PPP2R3A: variants seen among roughly 807,000 people sequenced by gnomAD.
The protein encoded by PPP2R3A is protein phosphatase 2 regulatory subunit B''alpha, also known as serine/threonine-protein phosphatase 2A regulatory subunit B'' subunit alpha.
Under a neutral mutation model 106.9 loss-of-function variants are expected in PPP2R3A, and 80 were observed. The ratio of observed to expected loss-of-function variants is 0.75; its 90% confidence interval spans 0.62 to 0.90. PPP2R3A has a LOEUF of 0.90. Among genes scored for constraint, PPP2R3A ranks in the 40% least tolerant of loss-of-function variants. The pLI is 0.00. For synonymous variants in PPP2R3A, 483 were observed against 468.3 expected (o/e 1.03, Z -0.41); for missense variants, 1,386 against 1,350.4 (o/e 1.03, Z -0.41).
chr3:136,060,614 T>G (rs1268009780), intron 5 of PPP2R3A, among the ~76,000 whole-genome samples: 1 of 152,146 alleles, frequency 6.6e-6, no homozygotes, highest in African/African-American at 2.4e-5. Flanking sequence ...TTCGCCATGA[T>G]TGTAAGTTTC....
At chr3:136,000,747 G>A (rs1284449043) in intron 1 of PPP2R3A, among the ~76,000 whole-genome samples, 2 of 152,158 alleles carry the variant, frequency 1.3e-5, no homozygotes, top group Non-Finnish European at 2.9e-5. Context: ...TCAGAAGTGT[G>A]AATTTTTAAG....
intron 2 of PPP2R3A, among the ~76,000 whole-genome samples, chr3:136,023,846 T>G (rs1023308754): frequency 6.6e-6 from 1 of 152,104 alleles, no homozygotes. Context: ...GTCCCTACTT[T>G]CTTGCTTAAA....
At chr3:136,088,253 C>G (rs1051198475) in intron 9 of PPP2R3A, among the ~76,000 whole-genome samples, 1 of 152,136 alleles carries the variant, frequency 6.6e-6, no homozygotes, top group African/African-American at 2.4e-5. Context: ...GTGCTCACTC[C>G]CTACCCACTT....
chr3:136,004,090 A>G (rs1213874633), intron 2 of PPP2R3A, among the ~76,000 whole-genome samples: 2 of 152,260 alleles, frequency 1.3e-5, no homozygotes, highest in African/African-American at 4.8e-5. Flanking sequence ...CCTTCAAAGA[A>G]GATAAAGACT....
intron 6 of PPP2R3A, among the ~76,000 whole-genome samples, chr3:136,075,996 C>G (rs1341524790): frequency 6.6e-6 from 1 of 152,230 alleles, no homozygotes; most frequent in Non-Finnish European, 1.5e-5. Context: ...GACATGTTCT[C>G]TGTCCTCAGT....
rs768569585 is a variant in PPP2R3A, at chr3:136,002,301, A to G, written c.803A>G (p.Asn268Ser). 2.0e-5 allele frequency: 32 copies of G among 1,613,646 alleles called. No individual in the cohort carries two copies. The highest frequency in any genetic ancestry group is 2.5e-5 in the Non-Finnish European group (30 of 1,179,732). The part of the protein sequence containing the change: ...SGSSISEGSG[N>S]DTISSSETVY... ...AGTAGCATCAGTGAAGGAAGTGGTA[A>G]TGATACAATTTCTAGCTCTGAAACT... Residue 268 changes from asparagine to serine, a missense_variant, in exon 2 of 14, where the codon AAT becomes AGT. Coordinates refer to ENST00000264977, the MANE Select transcript of PPP2R3A (RefSeq NM_002718.5).
chr3:135,979,310 CG>C (rs1937506824), intron 1 of PPP2R3A, among the ~76,000 whole-genome samples: 1 of 150,746 alleles, frequency 6.6e-6, no homozygotes, highest in Non-Finnish European at 1.5e-5. Context: ...ACTCAGGAGG[CG>C]GAGGTTGCGG....
rs751692122 is a variant in PPP2R3A at position 136,003,067 on chromosome 3, G to A, written c.1569G>A (p.Met523Ile). The change falls in exon 2 of 14, where the codon ATG (methionine) becomes ATA (isoleucine). Residue 523 changes from methionine (M) to isoleucine (I), a missense_variant. By Grantham distance (10) the Met-to-Ile change is conservative. Transcript: ENST00000264977. The stretch of plus-strand genomic sequence containing the variant: ...ATTTGGAATCTTTTTCACAGAAGAT[G>A]GAGACCTCTCTAAGAGAGCCACTTG... ...LMDLESFSQK[M>I]ETSLREPLAK... 5.6e-6 allele frequency: 9 copies of A among 1,611,896 alleles called. No individual in the cohort carries two copies. In the South Asian group the frequency reaches 6.6e-5, roughly 12 times the overall value.
At position 136,001,455 on chromosome 3, in the gene PPP2R3A, GTTCTAGAAAGT is replaced by G; in HGVS notation, c.-42_-32del. On this transcript the variant is annotated 5_prime_UTR_variant, in exon 2 of 14. It removes the in-frame stop codon of an upstream open reading frame in the 5' UTR. Coordinates refer to ENST00000264977, the MANE Select transcript of PPP2R3A (RefSeq NM_002718.5). ...ATTTAGGAGAATTTTCATGAAACAA[GTTCTAGAAAGT>G]TCCAAGTCCCACCAGTAAGTGGATT... 1 of 1,501,798 alleles carries G rather than the reference GTTCTAGAAAGT, an allele frequency of 6.7e-7. No individual in the cohort carries two copies. 93.0% of individuals were successfully genotyped at this position (1,501,798 alleles called of 1,614,324 possible).
At chr3:135,973,727 C>T (rs1420626988) in intron 1 of PPP2R3A, among the ~76,000 whole-genome samples, 1 of 152,132 alleles carries the variant, frequency 6.6e-6, no homozygotes, top group Non-Finnish European at 1.5e-5. Context: ...TTTAAACTTC[C>T]AGAACTAAGA....
At chr3:136,041,143 T>C (rs1275466003) in intron 4 of PPP2R3A, among the ~76,000 whole-genome samples, 181 bp downstream of exon 4, 1 of 152,112 alleles carries the variant, frequency 6.6e-6, no homozygotes, top group Non-Finnish European at 1.5e-5. Flanking sequence ...GCCACAAGCC[T>C]TTATCTAACC....
intron 13 of PPP2R3A, among the ~76,000 whole-genome samples, chr3:136,129,768 A>C (rs1307071142): frequency 6.6e-6 from 1 of 152,172 alleles, no homozygotes; most frequent in Non-Finnish European, 1.5e-5. Context: ...AAAATCCTCA[A>C]AATACTGGCA....
chr3:136,137,533 G>GATTTTTTTT (rs1938668599), intron 13 of PPP2R3A, among the ~76,000 whole-genome samples: 1 of 38,442 alleles, frequency 2.6e-5, no homozygotes, highest in Admixed American at 3.1e-4. Context: ...CTCTGTCAGA[G>GATTTTTTTT]ATTTTTTTTT....
At chr3:136,033,335 TTTTG>T (rs972847873) in intron 3 of PPP2R3A, among the ~76,000 whole-genome samples, 5 of 152,158 alleles carry the variant, frequency 3.3e-5, no homozygotes, top group Non-Finnish European at 7.4e-5. Context: ...GTCTGTAGGT[TTTTG>T]TTTGTTTGGT....
At position 136,082,397 on chromosome 3, in the gene PPP2R3A, G is replaced by A. The variant is rs764293011; in HGVS notation, c.2764G>A (p.Asp922Asn). 2.0e-5 allele frequency: 32 copies of A among 1,613,660 alleles called. No individual in the cohort carries two copies. The highest frequency in any genetic ancestry group is 9.9e-5 in the South Asian group (9 of 91,064). Residue 922 changes from aspartate (D) to asparagine (N), a missense_variant, in exon 8 of 14, where the codon GAT becomes AAT. Asp to Asn is a conservative substitution (Grantham distance 23, BLOSUM62 1). Transcript: ENST00000264977. ...TDHDLYISQADLSRYNDQASS... is the reference protein window; with the variant it reads ...TDHDLYISQANLSRYNDQASS... Reference sequence around the variant, plus strand: ...TCACGACCTCTACATCAGCCAGGCCGATCTGTCTCGATACAATGACCAGGG... The same window carrying A: ...TCACGACCTCTACATCAGCCAGGCCAATCTGTCTCGATACAATGACCAGGG...
chr3:136,070,630 G>C, intron 6 of PPP2R3A, 78 bp downstream of exon 6: 3 of 1,221,568 alleles, frequency 2.5e-6, no homozygotes, highest in Non-Finnish European at 3.4e-6. Context: ...AGAATTTCAA[G>C]TATCTATGCA....
chr3:136,145,906 AACTTTT>A lies in PPP2R3A; in HGVS notation c.*742_*747del, dbSNP rs1179042268. ...ACTCATACTTGGAAAAAGCCCTTTT[AACTTTT>A]ATCTTTTATTCATTGAACTATTGAA... On this transcript the variant is annotated 3_prime_UTR_variant, in exon 14 of 14. Transcript: ENST00000264977. The A allele has an allele frequency of 6.6e-6, 1 of 151,942 alleles. No homozygotes were observed. Among genetic ancestry groups the A allele is most frequent in the East Asian group, 1.9e-4 (1 of 5,188 alleles). 9.4% of individuals were successfully genotyped at this position (151,942 alleles called of 1,614,324 possible).
At chr3:136,101,123 G>C (rs1191718474) in intron 10 of PPP2R3A, among the ~76,000 whole-genome samples, 1 of 152,204 alleles carries the variant, frequency 6.6e-6, no homozygotes, top group Non-Finnish European at 1.5e-5. Flanking sequence ...CCAGATTAGA[G>C]TAGGTCAGAA....
At chr3:136,065,200 G>A (rs1936224208) in intron 5 of PPP2R3A, among the ~76,000 whole-genome samples, 2 of 152,148 alleles carry the variant, frequency 1.3e-5, no homozygotes, top group South Asian at 4.1e-4. Context: ...CAGTACAAAT[G>A]AGCTAAATCC....
Sources: gnomAD v4.1 joint callset for allele counts (sites outside exome capture counted in the v4.1 genomes callset) on GRCh38, gnomAD v4.1.1 for gene constraint, MANE v1.5 for transcripts, NCBI Gene and HGNC (gene_info 2026-07-23, HGNC 2026-07-21) for gene names.